The following C12orf42 variants were observed in gnomAD, a reference collection of about 807,000 sequenced individuals.
C12orf42 encodes the protein uncharacterized protein C12orf42.
C12orf42 carries 25 observed loss-of-function variants against 21.6 expected under a neutral mutation model. That is an observed-to-expected ratio of 1.16 (90% CI 0.84 to 1.62). The LOEUF (loss-of-function observed/expected upper bound fraction) is 1.62, where lower values mean the gene tolerates loss of function less well. Among genes scored for constraint, C12orf42 ranks in the 40% most tolerant of loss-of-function variants. C12orf42 has a pLI of 0.00. For synonymous variants in C12orf42, 174 were observed against 175.0 expected (o/e 0.99, Z 0.05); for missense variants, 483 against 459.3 (o/e 1.05, Z -0.47).
intron 4 of C12orf42, among the ~76,000 whole-genome samples, chr12:103,349,824 T>C (rs1029237245): frequency 6.6e-6 from 1 of 152,184 alleles, no homozygotes; most frequent in African/African-American, 2.4e-5. Context: ...ACATATCAAG[T>C]AAATGTTCTT....
At chr12:103,089,122 A>AG in the C12orf42 span, among the ~76,000 whole-genome samples, 1 of 151,034 alleles carries the variant, frequency 6.6e-6, no homozygotes, top group Non-Finnish European at 1.5e-5. Flanking sequence ...AAAAAAAAAA[A>AG]AAGAATCAAC....
the C12orf42 span, among the ~76,000 whole-genome samples, chr12:103,144,236 G>T: frequency 1.3e-4 from 20 of 151,960 alleles, no homozygotes; most frequent in African/African-American, 3.6e-4. Context: ...TAGAAAAAAA[G>T]AAGTCAGAGG....
At chr12:103,137,364 A>G in the C12orf42 span, among the ~76,000 whole-genome samples, 1 of 152,064 alleles carries the variant, frequency 6.6e-6, no homozygotes, top group Non-Finnish European at 1.5e-5. Flanking sequence ...AAAAAGAAAA[A>G]AAAAAAACAG....
chr12:103,239,440 C>T (rs957555321), intron 10 of C12orf42, among the ~76,000 whole-genome samples: 1 of 152,196 alleles, frequency 6.6e-6, no homozygotes, highest in Non-Finnish European at 1.5e-5. Context: ...AACCATCTTC[C>T]ACCTCTTCCA....
chr12:103,053,910 G>A, the C12orf42 span, among the ~76,000 whole-genome samples: 1 of 151,728 alleles, frequency 6.6e-6, no homozygotes, highest in Admixed American at 6.6e-5. Flanking sequence ...GCATATTTTT[G>A]TGGGTCTATT....
At chr12:103,506,443 A>G in the C12orf42 span, among the ~76,000 whole-genome samples, 2 of 151,882 alleles carry the variant, frequency 1.3e-5, no homozygotes, top group East Asian at 3.9e-4. Context: ...TGTATATGCA[A>G]TGATGGTCCT....
At chr12:103,550,124 A>G in the C12orf42 span, among the ~76,000 whole-genome samples, 22 of 152,272 alleles carry the variant, frequency 1.4e-4, no homozygotes, top group African/African-American at 5.1e-4. Flanking sequence ...AAATATAAAA[A>G]AGAACTTTCA....
chr12:103,320,986 G>T (rs2040031976), intron 4 of C12orf42, among the ~76,000 whole-genome samples: 1 of 152,168 alleles, frequency 6.6e-6, no homozygotes, highest in Non-Finnish European at 1.5e-5. Flanking sequence ...GCCACGCTCT[G>T]TGAGTGTTCT....
the C12orf42 span, among the ~76,000 whole-genome samples, chr12:103,173,915 A>C: frequency 6.6e-6 from 1 of 152,126 alleles, no homozygotes; most frequent in African/African-American, 2.4e-5. Context: ...GATGGATTTA[A>C]ATACAGGACA....
intron 4 of C12orf42, among the ~76,000 whole-genome samples, chr12:103,347,829 C>G (rs998263313): frequency 2.0e-5 from 3 of 152,142 alleles, no homozygotes; most frequent in Non-Finnish European, 4.4e-5. Context: ...TGCCCACACA[C>G]CCAACCCTAG....
At chr12:103,550,041 G>A in the C12orf42 span, among the ~76,000 whole-genome samples, 1 of 151,932 alleles carries the variant, frequency 6.6e-6, no homozygotes, top group African/African-American at 2.4e-5. Context: ...AGATATCAGA[G>A]TTTTCTTTTT....
chr12:103,314,936 G>A (rs2039315712), intron 4 of C12orf42, among the ~76,000 whole-genome samples: 2 of 152,110 alleles, frequency 1.3e-5, no homozygotes, highest in Admixed American at 6.5e-5. Flanking sequence ...TATAATAACG[G>A]TGGATTACAA....
intron 2 of C12orf42, among the ~76,000 whole-genome samples, chr12:103,474,172 T>C (rs1953853549): frequency 6.6e-6 from 1 of 152,112 alleles, no homozygotes; most frequent in South Asian, 2.1e-4. Context: ...AATAACACTT[T>C]CATGCCTTTC....
the C12orf42 span, among the ~76,000 whole-genome samples, chr12:103,562,918 T>C: frequency 1.3e-5 from 2 of 152,226 alleles, no homozygotes; most frequent in African/African-American, 4.8e-5. Context: ...ACCGGACCCC[T>C]AAAACATTTT....
chr12:103,421,514 C>G (rs1229203227), intron 2 of C12orf42, among the ~76,000 whole-genome samples: 1 of 151,712 alleles, frequency 6.6e-6, no homozygotes, highest in East Asian at 1.9e-4. Flanking sequence ...GTTAAGGCTA[C>G]AGAGAGCCAT....
chr12:103,053,855 C>G, the C12orf42 span, among the ~76,000 whole-genome samples: 1 of 151,838 alleles, frequency 6.6e-6, no homozygotes, highest in South Asian at 2.1e-4. Context: ...AAAAGGCTAT[C>G]TTTTCTCCAT....
the C12orf42 span, among the ~76,000 whole-genome samples, chr12:103,536,625 G>C: frequency 1.3e-4 from 20 of 152,246 alleles, no homozygotes; most frequent in Admixed American, 5.2e-4. Flanking sequence ...TGAAAGAGAA[G>C]GGTGCCACAA....
chr12:103,449,844 G>A lies in C12orf42; in HGVS notation c.78+28505C>T, dbSNP rs568720706. Among the ~76,000 whole-genome samples the A allele has an allele frequency of 9.3e-5, 14 of 150,372 alleles. No individual in the cohort carries two copies. In the South Asian group the frequency reaches 1.3e-3, roughly 14 times the overall value. ...AGCATTCACTCAAGTGAAAATGCAC[G>A]AACTCTAAAATTAATGGGAAGAATG... is the stretch of plus-strand genomic sequence containing the variant. On this transcript the variant is annotated intron_variant, in intron 2 of 5. Transcript: ENST00000548883.
At chr12:103,184,538 T>C in the C12orf42 span, among the ~76,000 whole-genome samples, 3 of 152,084 alleles carry the variant, frequency 2.0e-5, no homozygotes, top group Non-Finnish European at 4.4e-5. Context: ...GGAATTGAAC[T>C]GAAAGCTATA....
Sources: gnomAD v4.1 joint callset for allele counts (sites outside exome capture counted in the v4.1 genomes callset) on GRCh38, gnomAD v4.1.1 for gene constraint, MANE v1.5 for transcripts, NCBI Gene and HGNC (gene_info 2026-07-23, HGNC 2026-07-21) for gene names.